TENM3: variants seen among roughly 807,000 people sequenced by gnomAD.
TENM3 encodes teneurin-3.
In TENM3, 63 loss-of-function variants were observed where a neutral mutation model predicts 255.1. That is an observed-to-expected ratio of 0.25 (90% confidence interval 0.20 to 0.30). TENM3 has a LOEUF of 0.30. Among genes scored for constraint, TENM3 ranks in the 10% least tolerant of loss-of-function variants. The pLI is 1.00. For missense variants in TENM3, 2,929 were observed against 3,461.1 expected (o/e 0.85, Z 3.86); for synonymous variants, 1,306 against 1,322.3 (o/e 0.99, Z 0.27).
chr4:182,442,760 TTGTGTGTGTGTGTGTGTGTGTACATA>T (rs1561451351), intron 3 of TENM3, among the ~76,000 whole-genome samples: 5 of 148,820 alleles, frequency 3.4e-5, no homozygotes, highest in African/African-American at 5.0e-5. Context: ...CTCGACTAAT[TTGTGTGTGTGTGTGTGTGTGTACATA>T]TGTGTGTGTG....
intron 1 of TENM3, among the ~76,000 whole-genome samples, chr4:182,280,428 T>C (rs1760307496): frequency 6.6e-6 from 1 of 152,222 alleles, no homozygotes; most frequent in Admixed American, 6.5e-5. Flanking sequence ...TATATATTCT[T>C]GAATAAGGAG....
At chr4:181,744,961 C>T in the TENM3 span, among the ~76,000 whole-genome samples, 1 of 152,120 alleles carries the variant, frequency 6.6e-6, no homozygotes, top group Non-Finnish European at 1.5e-5. Flanking sequence ...ACAGTGTAAT[C>T]TGTGAGTCTA....
the TENM3 span, among the ~76,000 whole-genome samples, chr4:181,655,708 T>C: frequency 7.2e-5 from 11 of 151,914 alleles, no homozygotes; most frequent in African/African-American, 2.4e-4. Flanking sequence ...TATAATGGAG[T>C]TTCAGGTAAA....
chr4:182,043,838 T>C, the TENM3 span, among the ~76,000 whole-genome samples: 1 of 152,126 alleles, frequency 6.6e-6, no homozygotes, highest in Admixed American at 6.5e-5. Context: ...TTCCTTCAGG[T>C]CTTAGGCATT....
chr4:182,597,670 C>T (rs1332750910), intron 3 of TENM3, among the ~76,000 whole-genome samples: 1 of 152,150 alleles, frequency 6.6e-6, no homozygotes, highest in Non-Finnish European at 1.5e-5. Flanking sequence ...TTATGTTTCA[C>T]ACTTTTATTT....
chr4:181,787,111 T>C, the TENM3 span, among the ~76,000 whole-genome samples: 1 of 152,190 alleles, frequency 6.6e-6, no homozygotes, highest in Admixed American at 6.5e-5. Flanking sequence ...CCTTAATAAC[T>C]GAATTCCCAG....
intron 3 of TENM3, among the ~76,000 whole-genome samples, chr4:182,372,562 C>T (rs180723166): frequency 5.0e-4 from 76 of 151,984 alleles, no homozygotes; most frequent in Non-Finnish European, 8.7e-4. Flanking sequence ...TGCATCTTAG[C>T]GGAGCTCAAG....
chr4:181,820,106 T>C, the TENM3 span: 1 of 152,252 alleles, frequency 6.6e-6, no homozygotes, highest in East Asian at 1.9e-4. Flanking sequence ...TGAGTGGCCA[T>C]CCAGAGCTGT....
intron 3 of TENM3, among the ~76,000 whole-genome samples, chr4:182,438,953 A>G (rs1665977482): frequency 6.6e-6 from 1 of 152,236 alleles, no homozygotes; most frequent in South Asian, 2.1e-4. Context: ...ATGGCCACCA[A>G]GGATGATAGG....
chr4:182,748,813 C>G (rs1039996124), intron 19 of TENM3, among the ~76,000 whole-genome samples: 6 of 152,180 alleles, frequency 3.9e-5, no homozygotes, highest in African/African-American at 1.4e-4. Context: ...TAGACTCCCC[C>G]ACATTTGTTC....
At chr4:181,794,467 G>C in the TENM3 span, among the ~76,000 whole-genome samples, 1 of 152,174 alleles carries the variant, frequency 6.6e-6, no homozygotes, top group East Asian at 1.9e-4. Flanking sequence ...CCAGCCCCTG[G>C]CAACCGCCCT....
the TENM3 span, among the ~76,000 whole-genome samples, chr4:181,984,663 T>TTATAGAGTTA: frequency 6.6e-6 from 1 of 152,000 alleles, no homozygotes; most frequent in Admixed American, 6.6e-5. Flanking sequence ...AGCAAAGTAA[T>TTATAGAGTTA]CTCTAGTAAA....
At chr4:181,805,113 A>G in the TENM3 span, among the ~76,000 whole-genome samples, 1 of 152,190 alleles carries the variant, frequency 6.6e-6, no homozygotes, top group Non-Finnish European at 1.5e-5. Context: ...CTTGCTCCAC[A>G]GAGTTATTTG....
chr4:181,453,193 A>T, the TENM3 span, among the ~76,000 whole-genome samples: 1 of 152,202 alleles, frequency 6.6e-6, no homozygotes, highest in African/African-American at 2.4e-5. Flanking sequence ...TGATTGACAA[A>T]TGAGGCCATG....
chr4:182,772,165 C>CA (rs1447339832), intron 22 of TENM3, among the ~76,000 whole-genome samples: 5 of 152,148 alleles, frequency 3.3e-5, no homozygotes, highest in African/African-American at 1.2e-4. Context: ...TGAACAACCA[C>CA]ATTTTTCAAA....
chr4:182,788,617 T>C (rs576204618), intron 24 of TENM3, among the ~76,000 whole-genome samples: 1 of 152,356 alleles, frequency 6.6e-6, no homozygotes, highest in Non-Finnish European at 1.5e-5. Context: ...TTGAAACTCA[T>C]TAATAATTTA....
chr4:182,299,173 C>A (rs1761699560), intron 1 of TENM3, among the ~76,000 whole-genome samples: 1 of 151,742 alleles, frequency 6.6e-6, no homozygotes, highest in South Asian at 2.1e-4. Context: ...AACAAATTCT[C>A]AATTGCACTA....
At chr4:182,003,001 G>A in the TENM3 span, among the ~76,000 whole-genome samples, 9 of 152,104 alleles carry the variant, frequency 5.9e-5, no homozygotes, top group African/African-American at 1.7e-4. Flanking sequence ...ATCAACTGAC[G>A]TATTATGCTT....
chr4:182,052,682 C>G, the TENM3 span, among the ~76,000 whole-genome samples: 1 of 152,112 alleles, frequency 6.6e-6, no homozygotes, highest in Non-Finnish European at 1.5e-5. Context: ...CAACTGAGTT[C>G]TCTACTCTGG....
Sources: gnomAD v4.1 joint callset for allele counts (sites outside exome capture counted in the v4.1 genomes callset) on GRCh38, gnomAD v4.1.1 for gene constraint, MANE v1.5 for transcripts, NCBI Gene and HGNC (gene_info 2026-07-23, HGNC 2026-07-21) for gene names.